Variants in PARD3B observed in about 807,000 individuals in gnomAD.
PARD3B encodes partitioning defective 3 homolog B.
PARD3B carries 103 observed loss-of-function variants against 130.2 expected under a neutral mutation model. The observed-to-expected ratio is 0.79, with a 90% CI of 0.67 to 0.93. PARD3B has a LOEUF of 0.93. PARD3B is among the 40% of genes least tolerant of loss of function. The pLI, the probability that PARD3B is intolerant of heterozygous loss-of-function variation, is 0.00. For missense variants in PARD3B, 1,609 were observed against 1,499.2 expected, an observed-to-expected ratio of 1.07 and a Z score of -1.21; for synonymous variants, 583 against 553.2, an observed-to-expected ratio of 1.05 and a Z score of -0.76.
intron 16 of PARD3B, among the ~76,000 whole-genome samples, chr2:205,284,527 A>G (rs1219195422): frequency 1.3e-5 from 2 of 152,162 alleles, no homozygotes; most frequent in Non-Finnish European, 2.9e-5. Context: ...TTAATGCTCT[A>G]TTGAAAGTGG....
intron 2 of PARD3B, among the ~76,000 whole-genome samples, chr2:204,778,187 A>G (rs577034474): frequency 6.6e-6 from 1 of 151,560 alleles, no homozygotes; most frequent in Non-Finnish European, 1.5e-5. Flanking sequence ...GTTCCTCTAT[A>G]TTCTGCTTCC....
intron 2 of PARD3B, among the ~76,000 whole-genome samples, chr2:204,740,884 G>A: frequency 6.6e-6 from 1 of 152,154 alleles, no homozygotes; most frequent in South Asian, 2.1e-4. Flanking sequence ...GATAGTGGAT[G>A]TTTTTGTGTA....
At chr2:205,613,999 T>C (rs2055329564) in intron 22 of PARD3B, among the ~76,000 whole-genome samples, 1 of 152,196 alleles carries the variant, frequency 6.6e-6, no homozygotes, top group African/African-American at 2.4e-5. Context: ...CCCTTAATTA[T>C]TGTTGTTGTT....
chr2:205,062,114 T>C (rs997988312), intron 4 of PARD3B, among the ~76,000 whole-genome samples: 5 of 152,046 alleles, frequency 3.3e-5, no homozygotes, highest in Admixed American at 6.6e-5. Context: ...GGATATCTTC[T>C]CATTCATTAA....
chr2:205,475,898 G>A, intron 20 of PARD3B, among the ~76,000 whole-genome samples: 1 of 152,146 alleles, frequency 6.6e-6, no homozygotes, highest in Non-Finnish European at 1.5e-5. Context: ...TCTCCAATAT[G>A]CTTCCAGGAT....
chr2:205,594,812 G>C (rs932212056), intron 22 of PARD3B, among the ~76,000 whole-genome samples: 1 of 152,188 alleles, frequency 6.6e-6, no homozygotes, highest in African/African-American at 2.4e-5. Context: ...TATCAGTGTA[G>C]AGTAGGACAT....
Position 204,890,826 on chromosome 2 carries a change from G to A in PARD3B, c.223-74326G>A, listed in dbSNP as rs150444716. Among the ~76,000 whole-genome samples the A allele has an allele frequency of 1.8e-4, 27 of 152,292 alleles. No homozygotes were observed. The highest frequency in any genetic ancestry group is 3.2e-4 in the Non-Finnish European group (22 of 68,012). ...AGCACGTTTCACTGCAGCTACTACA[G>A]CATCTTTGCTGTCTGGAGGGTATTG... On this transcript the variant is annotated intron_variant, in intron 2 of 22. Coordinates refer to ENST00000406610, the MANE Select transcript of PARD3B (RefSeq NM_001302769.2). The surrounding 1 kb of genome is among the most constrained non-coding windows in gnomAD (Gnocchi z 4.9).
chr2:204,939,782 AT>A (rs751031027), intron 2 of PARD3B, among the ~76,000 whole-genome samples: 19 of 152,222 alleles, frequency 1.2e-4, no homozygotes, highest in Non-Finnish European at 2.4e-4. Flanking sequence ...CTGATAAAAT[AT>A]TTCTTTAGGG....
intron 1 of PARD3B, among the ~76,000 whole-genome samples, chr2:204,578,851 G>A (rs1339481956): frequency 6.6e-6 from 1 of 152,058 alleles, no homozygotes; most frequent in African/African-American, 2.4e-5. Context: ...CGTGAGAGAG[G>A]TCATAATCTG....
Position 205,120,260 on chromosome 2 carries a change from TTA to T in PARD3B, c.806+1217_806+1218del, listed in dbSNP as rs553116789. Among the ~76,000 whole-genome samples the T allele has an allele frequency of 1.9e-3, 285 of 152,310 alleles. 1 individual carries two copies. The highest frequency in any genetic ancestry group is 6.4e-3 in the African/African-American group (267 of 41,564). On this transcript the variant is annotated intron_variant, in intron 7 of 22. Coordinates refer to ENST00000406610, the MANE Select transcript of PARD3B (RefSeq NM_001302769.2). The stretch of plus-strand genomic sequence containing the variant: ...CAAAGCAATCATTATTACTTCTGTT[TTA>T]TAGAGGTGGAAACTGAGGCTCATAA...
chr2:205,124,232 A>G, intron 8 of PARD3B, 95 bp from the exon 9 acceptor site: 3 of 992,600 alleles, frequency 3.0e-6, no homozygotes, highest in South Asian at 6.7e-5. Context: ...TACTGATTCT[A>G]TATTAGTCTA....
At chr2:205,510,507 T>C (rs1225776315) in intron 21 of PARD3B, among the ~76,000 whole-genome samples, 3 of 152,182 alleles carry the variant, frequency 2.0e-5, no homozygotes, top group Non-Finnish European at 4.4e-5. Context: ...CAGGCACTTT[T>C]AGCAAATTCC....
intron 2 of PARD3B, among the ~76,000 whole-genome samples, chr2:204,838,349 A>ATGTGTGTGTGTGTGTGTGTGTG (rs55688873): frequency 1.1e-4 from 15 of 135,428 alleles, no homozygotes; most frequent in African/African-American, 4.1e-4. Flanking sequence ...TACCTGGCTA[A>ATGTGTGTGTGTGTGTGTGTGTG]TGTGTGTGTG....
At chr2:204,627,810 A>G (rs1279825440) in intron 1 of PARD3B, among the ~76,000 whole-genome samples, 7 of 152,006 alleles carry the variant, frequency 4.6e-5, no homozygotes, top group Non-Finnish European at 1.0e-4. Context: ...ATTAAAAACT[A>G]CTCTTTCATC....
chr2:204,770,554 AAAT>A (rs2041321910), intron 2 of PARD3B, among the ~76,000 whole-genome samples: 3 of 152,210 alleles, frequency 2.0e-5, no homozygotes, highest in South Asian at 2.1e-4. Flanking sequence ...TGTATTTTCA[AAAT>A]AATGTGGCAA....
intron 2 of PARD3B, among the ~76,000 whole-genome samples, chr2:204,942,240 G>A (rs963153576): frequency 1.3e-5 from 2 of 152,152 alleles, no homozygotes; most frequent in African/African-American, 4.8e-5. Flanking sequence ...AGTTAAAACT[G>A]ACTAGCTCTG....
At position 205,258,354 on chromosome 2, in the gene PARD3B, A is replaced by G. The variant is rs1238805260; in HGVS notation, c.2185+12532A>G. ...TTAGCCCAGAGTGATCTTCCACTCT[A>G]TACGGCTGATTCACTCTGATTCAAT... On this transcript the variant is annotated intron_variant, in intron 16 of 22. Transcript: ENST00000406610. The surrounding 1 kb of genome is among the most constrained non-coding windows in gnomAD (Gnocchi z 4.9). Among the ~76,000 whole-genome samples, 1 of 152,188 alleles carries G rather than the reference A, an allele frequency of 6.6e-6. No homozygotes were observed. Among genetic ancestry groups the G allele is most frequent in the African/African-American group, 2.4e-5 (1 of 41,448 alleles).
At chr2:205,508,427 G>A (rs141023296) in intron 21 of PARD3B, among the ~76,000 whole-genome samples, 61 of 152,118 alleles carry the variant, frequency 4.0e-4, no homozygotes, top group African/African-American at 1.3e-3. Context: ...CCAAAATTAT[G>A]GGGGTGTGGT....
At chr2:205,603,754 A>G (rs1276843908) in intron 22 of PARD3B, among the ~76,000 whole-genome samples, 2 of 152,146 alleles carry the variant, frequency 1.3e-5, no homozygotes, top group Non-Finnish European at 2.9e-5. Flanking sequence ...CTTGTGCATG[A>G]GATGGGTCTT....
Sources: gnomAD v4.1 joint callset for allele counts (sites outside exome capture counted in the v4.1 genomes callset) on GRCh38, gnomAD v4.1.1 for gene constraint, Gnocchi (gnomAD v3.1) non-coding constraint, MANE v1.5 for transcripts, NCBI Gene and HGNC (gene_info 2026-07-23, HGNC 2026-07-21) for gene names.